The following NOP53 variants were observed in gnomAD, a reference collection of about 807,000 sequenced individuals.
NOP53 encodes the protein ribosome biogenesis protein NOP53.
Under a neutral mutation model 61.0 loss-of-function variants are expected in NOP53, and 40 were observed. That is an observed-to-expected ratio of 0.66 (90% CI 0.51 to 0.85). The LOEUF (loss-of-function observed/expected upper bound fraction) is 0.85. Ranked by LOEUF, NOP53 falls within the 40% of genes least tolerant of loss-of-function variation. The probability of loss-of-function intolerance (pLI) is 0.00; values close to 1 mark genes in which losing one functional copy is unlikely to be tolerated. For synonymous variants in NOP53, 308 were observed against 289.5 expected (o/e 1.06, Z -0.65); for missense variants, 689 against 652.9 (o/e 1.06, Z -0.60).
chr19:47,748,941 C>T (rs567174248), intron 2 of NOP53, among the ~76,000 whole-genome samples: 29 of 152,172 alleles, frequency 1.9e-4, no homozygotes, highest in Admixed American at 1.7e-3. Flanking sequence ...GCGGGTGGAT[C>T]ACCTGAGGTC....
In NOP53 at chr19:47,751,116, T is replaced by C. The variant is rs368807714; in HGVS notation, c.598+9T>C. The C allele has an allele frequency of 2.1e-5, 34 of 1,599,062 alleles. No individual in the cohort carries two copies. Among genetic ancestry groups the C allele is most frequent in the Non-Finnish European group, 2.8e-5 (33 of 1,172,924 alleles). On this transcript the variant is annotated intron_variant, in intron 4 of 12. Coordinates refer to ENST00000246802, the MANE Select transcript of NOP53 (RefSeq NM_015710.5). ...CCTCTGGGCCTCAGACAGTGAGTGA[T>C]CCTGCTGTCACCTATGAATGGGGAC...
chr19:47,751,317 T>C (rs935161412), intron 4 of NOP53: 12 of 647,598 alleles, frequency 1.9e-5, no homozygotes, highest in Middle Eastern at 3.9e-4. Context: ...AAAGGAAGCC[T>C]TCAGCTTTGG....
rs947244806 is a variant in NOP53, at chr19:47,754,802, G to A, written c.964G>A (p.Ala322Thr). Residue 322 changes from alanine (A) to threonine (T), a missense_variant, in exon 8 of 13, where the codon GCC becomes ACC. Transcript: ENST00000246802. The surrounding 1 kb of genome is among the most constrained non-coding windows in gnomAD (Gnocchi z 4.2). ...GQGEGPEAGD[A>T]EVCPTPARLA... ...GGGCGAGGGGCCGGAGGCTGGGGAT[G>A]CCGAGGTCTGTCCCACGCCCGCCCG... The A allele has an allele frequency of 5.9e-6, 9 of 1,533,572 alleles. No homozygotes were observed. The highest frequency in any genetic ancestry group is 5.5e-5 in the African/African-American group (4 of 72,294). 95.0% of individuals were successfully genotyped at this position (1,533,572 alleles called of 1,614,324 possible). A position where few individuals can be genotyped will look rare whatever the true frequency, so the allele number is the denominator to read the frequency against.
In NOP53 at chr19:47,754,827, G is replaced by T. The variant is rs897201935; in HGVS notation, c.989G>T (p.Arg330Leu). The T allele has an allele frequency of 5.3e-5, 82 of 1,537,758 alleles. No homozygotes were observed. Among genetic ancestry groups the T allele is most frequent in the Non-Finnish European group, 7.0e-5 (81 of 1,149,292 alleles). Residue 330 changes from arginine (R) to leucine (L), a missense_variant, in exon 8 of 13, where the codon CGC becomes CTC. By Grantham distance (102) the Arg-to-Leu change is moderately radical. Transcript: ENST00000246802. The surrounding 1 kb of genome is among the most constrained non-coding windows in gnomAD (Gnocchi z 4.2). ...GDAEVCPTPA[R>L]LATTEKKTEQ... Reference sequence around the variant, plus strand: ...GCCGAGGTCTGTCCCACGCCCGCCCGCCTGGCCACCACAGAGAAGAAGACG... The same window carrying T: ...GCCGAGGTCTGTCCCACGCCCGCCCTCCTGGCCACCACAGAGAAGAAGACG...
chr19:47,751,236 G>C, intron 4 of NOP53, 129 bp downstream of exon 4: 1 of 876,860 alleles, frequency 1.1e-6, no homozygotes, highest in Non-Finnish European at 1.8e-6. Context: ...CCTCCCAGCA[G>C]AGTCGTGCGT....
intron 9 of NOP53, 64 bp downstream of exon 9, chr19:47,755,587 C>T (rs1967185321): frequency 1.9e-5 from 27 of 1,430,448 alleles, no homozygotes; most frequent in Admixed American, 2.4e-5. Flanking sequence ...GGTCCTGACA[C>T]CTTCCTGCCT....
Position 47,746,905 on chromosome 19 carries a change from C to T in NOP53, c.225-62C>T, listed in dbSNP as rs1036322021. 22 of 1,376,218 alleles carry T rather than the reference C, an allele frequency of 1.6e-5. No individual in the cohort carries two copies. The Admixed American group carries it at 3.6e-4, about 22-fold the overall frequency. 85.3% of individuals were successfully genotyped at this position (1,376,218 alleles called of 1,614,324 possible). A position where few individuals can be genotyped will look rare whatever the true frequency, so the allele number is the denominator to read the frequency against. ...AAGCGGAAGATGAAGGCTGGACCTG[C>T]CAGGTTAAATCTCTTTCCTCTCCAA... On this transcript the variant is annotated intron_variant, in intron 1 of 12. Coordinates refer to ENST00000246802, the MANE Select transcript of NOP53 (RefSeq NM_015710.5).
At chr19:47,746,872 A>G in intron 1 of NOP53, 95 bp from the exon 2 acceptor site, 1 of 996,184 alleles carries the variant, frequency 1.0e-6, no homozygotes, top group South Asian at 1.3e-5. Flanking sequence ...CGGTGGCGGG[A>G]CTTGACTAAG....
intron 5 of NOP53, 87 bp from the exon 6 acceptor site, chr19:47,752,425 G>A: frequency 1.2e-6 from 1 of 816,200 alleles, no homozygotes; most frequent in South Asian, 1.5e-5. Context: ...CACTGGCAAG[G>A]CCTGGAGCAT....
At chr19:47,750,361 T>C (rs1967109892) in intron 3 of NOP53, 75 bp downstream of exon 3, 1 of 908,588 alleles carries the variant, frequency 1.1e-6, no homozygotes, top group East Asian at 2.5e-5. Flanking sequence ...GGCTGGGGGC[T>C]GGTAGGTGAG....
At chr19:47,751,642 GGAGCTGCTCTGTGTTCCTGCAGTA>G (rs1256513720) in intron 5 of NOP53, 52 bp downstream of exon 5, 1 of 1,373,502 alleles carries the variant, frequency 7.3e-7, no homozygotes, top group South Asian at 1.2e-5. Context: ...AGGAGGGCCG[GGAGCTGCTCTGTGTTCCTGCAGTA>G]GAGTCTGTCT....
chr19:47,749,748 C>CT lies in NOP53; in HGVS notation c.290-420dup, dbSNP rs144009259. Among the ~76,000 whole-genome samples, 29 of 149,924 alleles carry CT rather than the reference C, an allele frequency of 1.9e-4. No homozygotes were observed. The East Asian group carries it at 3.3e-3, about 17-fold the overall frequency. On this transcript the variant is annotated intron_variant, in intron 2 of 12. Coordinates refer to ENST00000246802, the MANE Select transcript of NOP53 (RefSeq NM_015710.5). ...TGTCAACTGATGACTTGCTTTCTTCCTTTTTTTTTTCCCCCTGAGATGAGA... is the reference window on the plus strand; with the variant it reads ...TGTCAACTGATGACTTGCTTTCTTCCTTTTTTTTTTTCCCCCTGAGATGAGA...
At chr19:47,746,823 T>G (rs1967070308) in intron 1 of NOP53, 144 bp from the exon 2 acceptor site, 3 of 658,438 alleles carry the variant, frequency 4.6e-6, no homozygotes, top group African/African-American at 1.8e-5. Flanking sequence ...AATACTAAGT[T>G]CTGTAAACTG....
In NOP53 at chr19:47,750,170, A is replaced by G. The variant is rs756503929; in HGVS notation, c.290-8A>G. On this transcript the variant is annotated splice_region_variant and splice_polypyrimidine_tract_variant and intron_variant, in intron 2 of 12. Transcript: ENST00000246802. Reference sequence around the variant, plus strand: ...GAGGCCTTGACTTGTTCTCTTTCCCATTCTTAGGGCTGACAAAGAAGAGAA... The same window carrying G: ...GAGGCCTTGACTTGTTCTCTTTCCCGTTCTTAGGGCTGACAAAGAAGAGAA... 63 of 1,586,230 alleles carry G rather than the reference A, an allele frequency of 4.0e-5. No individual in the cohort carries two copies. The South Asian group carries it at 5.3e-4, about 13-fold the overall frequency.
Position 47,756,746 on chromosome 19 carries a change from T to C in NOP53, c.1430+2T>C. 1.2e-6 allele frequency: 2 copies of C among 1,613,262 alleles called. No individual in the cohort carries two copies. The highest frequency in any genetic ancestry group is 1.7e-6 in the Non-Finnish European group (2 of 1,179,880). On this transcript the variant is annotated splice_donor_variant, in intron 12 of 12. Transcript: ENST00000246802. LOFTEE classifies it high-confidence loss of function. ...GAAGCGGGCGTTCCGTGAGATCCAGTGAGTCCACCCGGCTTCGGCGCAAGG... is the reference window on the plus strand; with the variant it reads ...GAAGCGGGCGTTCCGTGAGATCCAGCGAGTCCACCCGGCTTCGGCGCAAGG...
chr19:47,745,680 C>T lies in NOP53; in HGVS notation c.121C>T (p.Pro41Ser). ...AGCGCTGAGGCGGCGGCGGCGAGGC[C>T]CAAGAAATAAGAAGCGGGGCTGGCG... ...DPALRRRRRGPRNKKRGWRRL... is the reference protein window; with the variant it reads ...DPALRRRRRGSRNKKRGWRRL... Residue 41 changes from proline (P) to serine (S), a missense_variant, in exon 1 of 13, where the codon CCA becomes TCA. By Grantham distance (74) the Pro-to-Ser change is moderately conservative. Transcript: ENST00000246802. 1.9e-6 allele frequency: 3 copies of T among 1,613,170 alleles called. No individual in the cohort carries two copies. The highest frequency in any genetic ancestry group is 2.5e-6 in the Non-Finnish European group (3 of 1,179,626).
intron 10 of NOP53, chr19:47,756,217 C>T: frequency 1.9e-6 from 1 of 532,936 alleles, no homozygotes; most frequent in Non-Finnish European, 3.4e-6. Context: ...GGGGCTCCAG[C>T]CAGTTGTGCT....
In NOP53 at chr19:47,752,532, C is replaced by T. The variant is rs776453250; in HGVS notation, c.690C>T (p.Thr230=). The T allele has an allele frequency of 1.9e-6, 3 of 1,606,954 alleles. No homozygotes were observed. Among genetic ancestry groups the T allele is most frequent in the East Asian group, 2.2e-5 (1 of 44,848 alleles). Reference sequence around the variant, plus strand: ...CACAGCGGCCAGCACGCCTGCACACCAAGCCGTCCCAGGCACCCGCCGTGG... The same window carrying T: ...CACAGCGGCCAGCACGCCTGCACACTAAGCCGTCCCAGGCACCCGCCGTGG... ...KGVKRPARLH[T]KPSQAPAVEV... The change falls in exon 6 of 13, where the codon ACC becomes ACT. Residue 230 remains threonine, a synonymous_variant. Coordinates refer to ENST00000246802, the MANE Select transcript of NOP53 (RefSeq NM_015710.5).
At chr19:47,749,680 C>A (rs1314155869) in intron 2 of NOP53, among the ~76,000 whole-genome samples, 1 of 152,108 alleles carries the variant, frequency 6.6e-6, no homozygotes, top group African/African-American at 2.4e-5. Flanking sequence ...AAGTGGCCAT[C>A]CTGGGTCCCA....
Sources: gnomAD v4.1 joint callset for allele counts (sites outside exome capture counted in the v4.1 genomes callset) on GRCh38, gnomAD v4.1.1 for gene constraint, Gnocchi (gnomAD v3.1) non-coding constraint, MANE v1.5 for transcripts, NCBI Gene and HGNC (gene_info 2026-07-23, HGNC 2026-07-21) for gene names.